Variants in KCTD8 observed in about 807,000 individuals in gnomAD.
KCTD8 encodes BTB/POZ domain-containing protein KCTD8.
A neutral mutation model predicts 31.5 loss-of-function variants in KCTD8; 27 were observed. That is an observed-to-expected ratio of 0.86 (90% CI 0.63 to 1.18). The LOEUF is 1.18. KCTD8 is among the 50% of genes most tolerant of loss of function. KCTD8 has a pLI of 0.00. For synonymous variants in KCTD8, 290 were observed against 280.0 expected, an observed-to-expected ratio of 1.04 and a Z score of -0.36; for missense variants, 658 against 647.7, an observed-to-expected ratio of 1.02 and a Z score of -0.17.
chr4:44,297,591 C>T (rs1467680633), intron 1 of KCTD8, among the ~76,000 whole-genome samples: 2 of 152,034 alleles, frequency 1.3e-5, no homozygotes, highest in African/African-American at 4.8e-5. Context: ...CTGCTATTTA[C>T]GCTACCACAG....
rs1290985372 is a variant in KCTD8, at chr4:44,173,913, T to C, written c.*877A>G. On this transcript the variant is annotated 3_prime_UTR_variant, in exon 2 of 2. Coordinates refer to ENST00000360029, the MANE Select transcript of KCTD8 (RefSeq NM_198353.3). ...ATAGAAATCAAGAAATTCTAATACA[T>C]TTTTCTTTTTTTAATAAATACATAA... The C allele has an allele frequency of 6.6e-6, 1 of 152,104 alleles. No homozygotes were observed. The highest frequency in any genetic ancestry group is 2.4e-5 in the African/African-American group (1 of 41,426). 9.4% of individuals were successfully genotyped at this position (152,104 alleles called of 1,614,324 possible).
intron 1 of KCTD8, among the ~76,000 whole-genome samples, chr4:44,415,199 A>G (rs1371658716): frequency 1.3e-5 from 2 of 152,204 alleles, no homozygotes; most frequent in Non-Finnish European, 2.9e-5. Context: ...TATGTGCTGG[A>G]AGAAATTTCT....
intron 1 of KCTD8, among the ~76,000 whole-genome samples, chr4:44,434,196 C>T (rs1363877752): frequency 6.6e-6 from 1 of 151,860 alleles, no homozygotes; most frequent in South Asian, 2.1e-4. Flanking sequence ...GTCACCTTTT[C>T]TCTAATGCCT....
At chr4:44,389,534 T>C (rs1720314463) in intron 1 of KCTD8, among the ~76,000 whole-genome samples, 1 of 150,954 alleles carries the variant, frequency 6.6e-6, no homozygotes, top group African/African-American at 2.4e-5. Flanking sequence ...CTACAAAGAG[T>C]AGTTAAATTC....
At chr4:44,358,296 T>C (rs775794139) in intron 1 of KCTD8, among the ~76,000 whole-genome samples, 11 of 152,194 alleles carry the variant, frequency 7.2e-5, no homozygotes, top group Non-Finnish European at 5.9e-5. Context: ...CAGTCTATCA[T>C]TGATGGCCAT....
chr4:44,305,718 T>C (rs1263680581), intron 1 of KCTD8, among the ~76,000 whole-genome samples: 1 of 151,858 alleles, frequency 6.6e-6, no homozygotes, highest in Non-Finnish European at 1.5e-5. Context: ...ATTGATATAG[T>C]ATATGTGTGT....
At chr4:44,288,524 T>C (rs1717168988) in intron 1 of KCTD8, among the ~76,000 whole-genome samples, 1 of 152,146 alleles carries the variant, frequency 6.6e-6, no homozygotes, top group African/African-American at 2.4e-5. Context: ...TTATAATTTC[T>C]GCTCTTTCAA....
At chr4:44,278,540 T>C (rs1440682174) in intron 1 of KCTD8, among the ~76,000 whole-genome samples, 2 of 152,018 alleles carry the variant, frequency 1.3e-5, no homozygotes, top group Non-Finnish European at 2.9e-5. Flanking sequence ...GATGATGAAA[T>C]AGTTTAGAAA....
chr4:44,441,251 C>T (rs1649554091), intron 1 of KCTD8, among the ~76,000 whole-genome samples: 1 of 150,792 alleles, frequency 6.6e-6, no homozygotes, highest in South Asian at 2.1e-4. Context: ...AAAAAAAATA[C>T]ACTTTAAGTC....
intron 1 of KCTD8, among the ~76,000 whole-genome samples, chr4:44,335,917 G>A (rs1162241466): frequency 1.3e-5 from 2 of 151,714 alleles, no homozygotes; most frequent in South Asian, 4.2e-4. Context: ...TTGGGAGGCC[G>A]AGGCGGGCGG....
chr4:44,438,140 T>C (rs1269747490), intron 1 of KCTD8, among the ~76,000 whole-genome samples: 1 of 152,206 alleles, frequency 6.6e-6, no homozygotes, highest in Non-Finnish European at 1.5e-5. Context: ...TCTGAATGTC[T>C]GCCAGCATCT....
intron 1 of KCTD8, among the ~76,000 whole-genome samples, chr4:44,270,506 C>G (rs868052829): frequency 1.3e-5 from 2 of 151,692 alleles, no homozygotes; most frequent in African/African-American, 4.8e-5. Context: ...CTAACCTGCA[C>G]ATTGTGCACA....
chr4:44,345,897 A>T (rs1310472858), intron 1 of KCTD8, among the ~76,000 whole-genome samples: 3 of 152,154 alleles, frequency 2.0e-5, no homozygotes, highest in Admixed American at 2.0e-4. Flanking sequence ...AAATAGACTT[A>T]AAAAATTAAA....
At chr4:44,404,624 A>C (rs1720741608) in intron 1 of KCTD8, among the ~76,000 whole-genome samples, 1 of 152,214 alleles carries the variant, frequency 6.6e-6, no homozygotes, top group Admixed American at 6.5e-5. Flanking sequence ...GAATTCAGAA[A>C]GGGAAGTAAG....
chr4:44,374,897 A>C (rs1719880528), intron 1 of KCTD8, among the ~76,000 whole-genome samples: 1 of 152,186 alleles, frequency 6.6e-6, no homozygotes, highest in South Asian at 2.1e-4. Context: ...AGAATTGCCA[A>C]AATGTGACAC....
intron 1 of KCTD8, among the ~76,000 whole-genome samples, chr4:44,225,909 C>T (rs1714947496): frequency 6.7e-6 from 1 of 148,378 alleles, no homozygotes; most frequent in South Asian, 2.2e-4. Flanking sequence ...CAAGCTCCAC[C>T]TCCCAGGTTC....
At chr4:44,206,225 C>A (rs116027661) in intron 1 of KCTD8, among the ~76,000 whole-genome samples, 219 of 152,246 alleles carry the variant, frequency 1.4e-3, no homozygotes, top group African/African-American at 4.6e-3. Flanking sequence ...TGAACTCCAT[C>A]AGTTTGGACC....
At chr4:44,203,240 C>A (rs1399603274) in intron 1 of KCTD8, among the ~76,000 whole-genome samples, 1 of 152,094 alleles carries the variant, frequency 6.6e-6, no homozygotes. Context: ...CAGTGGCTCA[C>A]ACCTATAATC....
intron 1 of KCTD8, among the ~76,000 whole-genome samples, chr4:44,337,404 G>A (rs951893111): frequency 3.9e-5 from 6 of 151,920 alleles, no homozygotes; most frequent in Admixed American, 2.0e-4. Context: ...AGCTGGGCAC[G>A]GTGGTTCACG....
Sources: allele counts gnomAD v4.1 joint callset (sites outside exome capture counted in the v4.1 genomes callset), GRCh38; gene constraint gnomAD v4.1.1; transcripts MANE v1.5; gene names NCBI Gene and HGNC (gene_info 2026-07-23, HGNC 2026-07-21).